NCKAP5: variants seen among roughly 807,000 people sequenced by gnomAD.
NCKAP5 encodes the protein nck-associated protein 5.
In NCKAP5, 92 loss-of-function variants were observed where a neutral mutation model predicts 167.0. That is an observed-to-expected ratio of 0.55 (90% CI 0.47 to 0.66). The LOEUF (loss-of-function observed/expected upper bound fraction) is 0.66, where lower values mean the gene tolerates loss of function less well. NCKAP5 is among the 30% of genes least tolerant of loss of function. NCKAP5 has a pLI of 0.00. For missense variants in NCKAP5, 2,378 were observed against 2,315.0 expected (o/e 1.03, Z -0.56); for synonymous variants, 891 against 877.4 (o/e 1.02, Z -0.27).
At chr2:132,933,778 A>G (rs1384416644) in intron 8 of NCKAP5, among the ~76,000 whole-genome samples, 1 of 152,218 alleles carries the variant, frequency 6.6e-6, no homozygotes, top group Non-Finnish European at 1.5e-5. Context: ...CCTCATTATG[A>G]TGATTGTACT....
At chr2:133,110,532 C>G (rs1240065258) in intron 6 of NCKAP5, among the ~76,000 whole-genome samples, 1 of 152,146 alleles carries the variant, frequency 6.6e-6, no homozygotes, top group African/African-American at 2.4e-5. Context: ...TTTTAAAAAC[C>G]TAGTGCATCT....
At chr2:132,745,583 G>C (rs1679570149) in intron 16 of NCKAP5, among the ~76,000 whole-genome samples, 1 of 151,848 alleles carries the variant, frequency 6.6e-6, no homozygotes, top group Non-Finnish European at 1.5e-5. Flanking sequence ...TAACATTATA[G>C]TGGAGGTTAT....
At chr2:132,786,978 T>A (rs946100407) in intron 13 of NCKAP5, among the ~76,000 whole-genome samples, 2 of 152,224 alleles carry the variant, frequency 1.3e-5, no homozygotes, top group Non-Finnish European at 2.9e-5. Flanking sequence ...AGTGTCATAA[T>A]AGAGATCACA....
chr2:133,076,565 A>T (rs1478698394), intron 6 of NCKAP5, among the ~76,000 whole-genome samples: 1 of 152,178 alleles, frequency 6.6e-6, no homozygotes, highest in Admixed American at 6.5e-5. Flanking sequence ...CAGAAACTCA[A>T]ATTAACAGTG....
chr2:133,283,769 C>T (rs961026556), intron 4 of NCKAP5, among the ~76,000 whole-genome samples: 1 of 152,042 alleles, frequency 6.6e-6, no homozygotes, highest in African/African-American at 2.4e-5. Context: ...TGCCACCATG[C>T]CCAGCTAATT....
intron 6 of NCKAP5, among the ~76,000 whole-genome samples, chr2:133,020,725 G>A (rs1484927650): frequency 1.3e-5 from 2 of 152,180 alleles, no homozygotes; most frequent in Non-Finnish European, 2.9e-5. Context: ...GTGCAATAAC[G>A]CACAAGACAC....
At chr2:133,244,688 TACA>T (rs1206891829) in intron 4 of NCKAP5, among the ~76,000 whole-genome samples, 1 of 152,104 alleles carries the variant, frequency 6.6e-6, no homozygotes, top group Non-Finnish European at 1.5e-5. Flanking sequence ...TCACTTGATA[TACA>T]ACAAGAGTGA....
Position 133,379,075 on chromosome 2 carries a change from G to A in NCKAP5, c.70-75965C>T, listed in dbSNP as rs116522672. 7.2e-3 allele frequency among the ~76,000 whole-genome samples: 1,093 copies of A among 152,258 alleles called. 18 individuals are homozygous for A. The highest frequency in any genetic ancestry group is 0.025 in the African/African-American group (1,044 of 41,556). On this transcript the variant is annotated intron_variant, in intron 3 of 19. Coordinates refer to ENST00000409261, the MANE Select transcript of NCKAP5 (RefSeq NM_207363.3). ...TGCCTCGTCAATAATGGTAGTCTTT[G>A]TATAATGATAGAACTCTATTTACAT...
intron 3 of NCKAP5, among the ~76,000 whole-genome samples, chr2:133,450,056 A>G (rs1691450571): frequency 1.3e-5 from 2 of 152,266 alleles, no homozygotes; most frequent in South Asian, 4.1e-4. Context: ...AGAAACATTT[A>G]TTGATTTGCC....
At chr2:133,165,513 T>G (rs897986070) in intron 5 of NCKAP5, among the ~76,000 whole-genome samples, 3 of 152,170 alleles carry the variant, frequency 2.0e-5, no homozygotes, top group Admixed American at 6.5e-5. Flanking sequence ...TGAAAATGAA[T>G]GAGCTACAGT....
the NCKAP5 span, among the ~76,000 whole-genome samples, chr2:133,599,129 C>T: frequency 1.3e-5 from 2 of 152,220 alleles, no homozygotes; most frequent in Non-Finnish European, 2.9e-5. Flanking sequence ...TGGAGTACAT[C>T]TCCACAGGTC....
chr2:133,257,015 G>A (rs1039589771), intron 4 of NCKAP5, among the ~76,000 whole-genome samples: 5 of 152,110 alleles, frequency 3.3e-5, no homozygotes, highest in African/African-American at 9.7e-5. Flanking sequence ...AGAAAAGTGC[G>A]AATTTTGCAA....
chr2:133,398,394 G>T (rs1687890797), intron 3 of NCKAP5, among the ~76,000 whole-genome samples: 4 of 152,104 alleles, frequency 2.6e-5, no homozygotes, highest in Admixed American at 2.0e-4. Flanking sequence ...AAACAAACCT[G>T]CACGTTCTGC....
chr2:132,847,170 C>G (rs1185177005), intron 11 of NCKAP5, among the ~76,000 whole-genome samples: 1 of 151,990 alleles, frequency 6.6e-6, no homozygotes, highest in East Asian at 1.9e-4. Context: ...AAAGTAAACC[C>G]CAAAAGTGCA....
intron 11 of NCKAP5, among the ~76,000 whole-genome samples, chr2:132,834,256 G>T (rs1033285058): frequency 3.9e-5 from 6 of 152,102 alleles, no homozygotes; most frequent in Admixed American, 6.5e-5. Context: ...AAGTGCAGTG[G>T]TGTAATCATA....
chr2:133,481,505 T>C (rs954596417), intron 3 of NCKAP5, among the ~76,000 whole-genome samples: 1 of 152,212 alleles, frequency 6.6e-6, no homozygotes, highest in Non-Finnish European at 1.5e-5. Context: ...CATGGGGGTT[T>C]GTTGTACAGA....
In NCKAP5 at chr2:133,505,059, C is replaced by A. The variant is rs572213795; in HGVS notation, c.69+12399G>T. 1.8e-4 allele frequency among the ~76,000 whole-genome samples: 27 copies of A among 152,258 alleles called. 1 individual carries two copies. Among genetic ancestry groups the A allele is most frequent in the Admixed American group, 5.9e-4 (9 of 15,290 alleles). ...CCTGGAGCAAGGAGAACCAGCGGGA[C>A]CTTGTGCACAGGGAGTCATTGTACC... On this transcript the variant is annotated intron_variant, in intron 3 of 19. Transcript: ENST00000409261.
chr2:132,951,629 G>A (rs1012039356), intron 8 of NCKAP5, among the ~76,000 whole-genome samples: 54 of 152,170 alleles, frequency 3.5e-4, no homozygotes, highest in Non-Finnish European at 5.6e-4. Flanking sequence ...ATCAGACTAC[G>A]TGGATATTTT....
At chr2:132,856,056 C>T (rs370514760) in intron 11 of NCKAP5, among the ~76,000 whole-genome samples, 7 of 152,100 alleles carry the variant, frequency 4.6e-5, no homozygotes, top group Admixed American at 1.3e-4. Context: ...CCCAGCTACT[C>T]GGGAGGCTGA....
Sources: allele counts gnomAD v4.1 joint callset (sites outside exome capture counted in the v4.1 genomes callset), GRCh38; gene constraint gnomAD v4.1.1; transcripts MANE v1.5; gene names NCBI Gene and HGNC (gene_info 2026-07-23, HGNC 2026-07-21).